SLC16A12: variants seen among roughly 807,000 people sequenced by gnomAD.
SLC16A12 encodes solute carrier family 16 member 12.
SLC16A12 carries 17 observed loss-of-function variants against 42.4 expected under a neutral mutation model. That is an observed-to-expected ratio of 0.40 (90% CI 0.27 to 0.60). The LOEUF (loss-of-function observed/expected upper bound fraction) is 0.60. Ranked by LOEUF, SLC16A12 falls within the 20% of genes least tolerant of loss-of-function variation. The probability of loss-of-function intolerance (pLI) is 0.42; values close to 1 mark genes in which losing one functional copy is unlikely to be tolerated. For synonymous variants in SLC16A12, 224 were observed against 229.4 expected, an observed-to-expected ratio of 0.98 and a Z score of 0.21; for missense variants, 544 against 623.0, an observed-to-expected ratio of 0.87 and a Z score of 1.35.
chr10:89,500,424 T>C (rs746374362), intron 2 of SLC16A12, among the ~76,000 whole-genome samples: 33 of 151,978 alleles, frequency 2.2e-4, no homozygotes, highest in Non-Finnish European at 4.0e-4. Flanking sequence ...CAACAACATA[T>C]CAAAAAGATA....
chr10:89,549,992 C>G (rs545311039), intron 2 of SLC16A12, among the ~76,000 whole-genome samples: 1 of 152,154 alleles, frequency 6.6e-6, no homozygotes, highest in Non-Finnish European at 1.5e-5. Context: ...TTCATTCATT[C>G]CATTCGTCAA....
chr10:89,504,903 G>A (rs933388477), intron 2 of SLC16A12, among the ~76,000 whole-genome samples: 4 of 152,100 alleles, frequency 2.6e-5, no homozygotes, highest in Admixed American at 1.3e-4. Context: ...GAGCATGATC[G>A]GAGGGACCCA....
Position 89,516,855 on chromosome 10 carries a change from T to C in SLC16A12, c.-47+17646A>G, listed in dbSNP as rs200997575. ...AATCCACTAAATCCATAGTAAGCAA[T>C]TGATTCTTGCTAAGGCCTAATTTAA... On this transcript the variant is annotated intron_variant, in intron 2 of 7. Transcript: ENST00000371790. Among the ~76,000 whole-genome samples, 736 of 152,328 alleles carry C rather than the reference T, an allele frequency of 4.8e-3. 4 individuals are homozygous for C. The highest frequency in any genetic ancestry group is 8.3e-3 in the Non-Finnish European group (563 of 68,028).
At position 89,469,309 on chromosome 10, in the gene SLC16A12, A is replaced by G. The variant is rs774776393; in HGVS notation, c.-46-6685T>C. ...ATGTTCTTCTAAGATTACTGTTTAC[A>G]GTGCAAGTTGGGATATATTCTCAAT... On this transcript the variant is annotated intron_variant, in intron 2 of 7. Transcript: ENST00000371790. Among the ~76,000 whole-genome samples the G allele has an allele frequency of 2.5e-4, 38 of 152,268 alleles. 1 individual carries two copies. The highest frequency in any genetic ancestry group is 2.3e-3 in the Admixed American group (35 of 15,284).
chr10:89,442,184 T>C (rs1453780657), intron 4 of SLC16A12, among the ~76,000 whole-genome samples: 1 of 152,216 alleles, frequency 6.6e-6, no homozygotes, highest in Non-Finnish European at 1.5e-5. Context: ...GGGTCAACTG[T>C]TACCTTCTCT....
rs2297312 is a variant in SLC16A12 at position 89,436,445 on chromosome 10, T to C, written c.1029-126A>G. ...GAGATGGCTTTCCCATTGTGTGTTATGTATGCTGTCTTCCTATCTTTCTTT... is the reference window on the plus strand; with the variant it reads ...GAGATGGCTTTCCCATTGTGTGTTACGTATGCTGTCTTCCTATCTTTCTTT... On this transcript the variant is annotated intron_variant, in intron 6 of 7. Coordinates refer to ENST00000371790, the MANE Select transcript of SLC16A12 (RefSeq NM_213606.4). 0.062 allele frequency: 70,352 copies of C among 1,129,254 alleles called. 4,592 individuals are homozygous for C. Among genetic ancestry groups the C allele is most frequent in the African/African-American group, 0.29 (18,552 of 64,732 alleles). 70.0% of individuals were successfully genotyped at this position (1,129,254 alleles called of 1,614,324 possible). A position where few individuals can be genotyped will look rare whatever the true frequency, so the allele number is the denominator to read the frequency against.
chr10:89,526,851 CA>C (rs1217613584), intron 2 of SLC16A12, among the ~76,000 whole-genome samples: 1 of 142,230 alleles, frequency 7.0e-6, no homozygotes, highest in Non-Finnish European at 1.5e-5. Flanking sequence ...ATCTACTGGC[CA>C]AAATCCATTA....
chr10:89,491,530 T>G (rs1842847389), intron 2 of SLC16A12, among the ~76,000 whole-genome samples: 1 of 150,232 alleles, frequency 6.7e-6, no homozygotes, highest in Admixed American at 6.6e-5. Context: ...TTTAAATTAA[T>G]TCCAGAAAGC....
At chr10:89,539,646 G>A (rs565435490), upstream of SLC16A12, among the ~76,000 whole-genome samples, 12 of 152,194 alleles carry the variant, frequency 7.9e-5, no homozygotes, top group Non-Finnish European at 1.8e-4. Flanking sequence ...CAAGATAGAA[G>A]CTACTGGAAG....
Position 89,481,676 on chromosome 10 carries a change from A to AGT in SLC16A12, c.-46-19053_-46-19052insAC, listed in dbSNP as rs1358970052. Among the ~76,000 whole-genome samples the AGT allele has an allele frequency of 9.6e-3, 1,413 of 147,704 alleles. 10 individuals are homozygous for AGT. Among genetic ancestry groups the AGT allele is most frequent in the Non-Finnish European group, 0.013 (883 of 66,676 alleles). ...GTGTGTGTGTGTGTGAGAGAGAGAGAGAGTGTGTGTGTGTGTGTGTGTGTG... is the reference window on the plus strand; with the variant it reads ...GTGTGTGTGTGTGTGAGAGAGAGAGAGTGAGTGTGTGTGTGTGTGTGTGTGTG... On this transcript the variant is annotated intron_variant, in intron 2 of 7. Transcript: ENST00000371790.
chr10:89,456,539 T>C (rs1799690), intron 3 of SLC16A12, among the ~76,000 whole-genome samples: 1 of 152,048 alleles, frequency 6.6e-6, no homozygotes, highest in Admixed American at 6.6e-5. Context: ...TTTTTTAAAA[T>C]TTTATTTTAT....
At chr10:89,484,617 C>T (rs1212004546) in intron 2 of SLC16A12, among the ~76,000 whole-genome samples, 4 of 152,138 alleles carry the variant, frequency 2.6e-5, no homozygotes, top group African/African-American at 7.2e-5. Flanking sequence ...GTCCAAGCCA[C>T]AGCTGGCATG....
intron 2 of SLC16A12, among the ~76,000 whole-genome samples, chr10:89,477,178 A>G (rs1347239974): frequency 1.3e-5 from 2 of 152,180 alleles, no homozygotes; most frequent in African/African-American, 4.8e-5. Flanking sequence ...ACCTCCCTCT[A>G]GTTTGGAACC....
intron 2 of SLC16A12, among the ~76,000 whole-genome samples, chr10:89,499,328 G>T (rs912487149): frequency 6.6e-6 from 1 of 152,188 alleles, no homozygotes; most frequent in Non-Finnish European, 1.5e-5. Context: ...GCCGAGATGG[G>T]TGGATCACCT....
chr10:89,554,147 A>G lies in SLC16A12; in HGVS notation c.-47+1735T>C, dbSNP rs74457155. Among the ~76,000 whole-genome samples, 625 of 91,176 alleles carry G rather than the reference A, an allele frequency of 6.9e-3. 2 individuals carry two copies. Among genetic ancestry groups the G allele is most frequent in the African/African-American group, 0.017 (289 of 17,130 alleles). 59.8% of individuals were successfully genotyped at this position (91,176 alleles called of 152,430 possible). A position where few individuals can be genotyped will look rare whatever the true frequency, so the allele number is the denominator to read the frequency against. On this transcript the variant is annotated intron_variant, in intron 2 of 2. Transcript: ENST00000475682. ...AGGAAGGAAGGAAGGAAGGAAGGAA[A>G]GAAAGAAAGAAAATGGGAAAGTTCT...
intron 2 of SLC16A12, chr10:89,468,076 T>G (rs1236860069): frequency 6.6e-6 from 1 of 152,224 alleles, no homozygotes; most frequent in Admixed American, 6.5e-5. Flanking sequence ...AAGAACTGAT[T>G]TGAGAAGATA....
At chr10:89,446,901 G>A (rs541935712) in intron 3 of SLC16A12, among the ~76,000 whole-genome samples, 1 of 152,106 alleles carries the variant, frequency 6.6e-6, no homozygotes, top group East Asian at 1.9e-4. Context: ...CAAAATAAAG[G>A]GATGGAGGAA....
At chr10:89,530,543 G>A (rs1039551590) in intron 2 of SLC16A12, among the ~76,000 whole-genome samples, 1 of 151,346 alleles carries the variant, frequency 6.6e-6, no homozygotes, top group Non-Finnish European at 1.5e-5. Context: ...TCAGCCTCCC[G>A]AGTAGCTGGG....
rs1357236870 is a variant in SLC16A12 at position 89,443,781 on chromosome 10, A to G, written c.279T>C (p.Ile93=). The part of the protein sequence containing the change: ...DYAQTAWIHS[I]VDCVTMLCAP... ...CACAGAGCATGGTCACACAATCTAC[A>G]ATGGAATGGATCCATGCCGTTTGTG... The change falls in exon 4 of 8, where the codon ATT becomes ATC. Residue 93 remains isoleucine (I), a synonymous_variant. Coordinates refer to ENST00000371790, the MANE Select transcript of SLC16A12 (RefSeq NM_213606.4). 6.2e-7 allele frequency: 1 copy of G among 1,613,786 alleles called. No individual in the cohort carries two copies.
Sources: allele counts gnomAD v4.1 joint callset (sites outside exome capture counted in the v4.1 genomes callset), GRCh38; gene constraint gnomAD v4.1.1; transcripts MANE v1.5; gene names NCBI Gene and HGNC (gene_info 2026-07-23, HGNC 2026-07-21).